Variants in RNF144A observed in about 807,000 individuals in gnomAD.
RNF144A encodes the protein ring finger protein 144A.
In RNF144A, 11 loss-of-function variants were observed where a neutral mutation model predicts 38.7. The ratio of observed to expected loss-of-function variants is 0.28; its 90% CI spans 0.18 to 0.47. RNF144A has a LOEUF of 0.47. Ranked by LOEUF, RNF144A falls within the 20% of genes least tolerant of loss-of-function variation. RNF144A has a pLI of 0.99. For missense variants in RNF144A, 316 were observed against 377.2 expected (o/e 0.84, Z 1.34); for synonymous variants, 149 against 143.9 (o/e 1.04, Z -0.25).
rs1020856549 is a variant in RNF144A at position 6,943,104 on chromosome 2, G to T, written c.-12+1957G>T. ...TCCAGATCTGATCGTTTAAGAGGGC[G>T]GTATGTGCTGGAGATGTGATAGGAG... is the stretch of plus-strand genomic sequence containing the variant. On this transcript the variant is annotated intron_variant, in intron 2 of 8. Transcript: ENST00000320892. The surrounding 1 kb of genome is among the most constrained non-coding windows in gnomAD (Gnocchi z 4.3). 9.9e-5 allele frequency among the ~76,000 whole-genome samples: 15 copies of T among 152,212 alleles called. No individual in the cohort carries two copies. The highest frequency in any genetic ancestry group is 2.1e-4 in the Non-Finnish European group (14 of 68,034).
intron 2 of RNF144A, among the ~76,000 whole-genome samples, chr2:6,954,653 C>G (rs1262504585): frequency 6.6e-6 from 1 of 152,200 alleles, no homozygotes; most frequent in Non-Finnish European, 1.5e-5. Flanking sequence ...AAGATGGGAA[C>G]TCTCCACTGA....
intron 2 of RNF144A, among the ~76,000 whole-genome samples, chr2:6,966,032 G>T (rs1477056967): frequency 2.0e-5 from 3 of 152,196 alleles, no homozygotes; most frequent in East Asian, 3.8e-4. Flanking sequence ...AGCCACAATT[G>T]TTAGCCCCGA....
At chr2:6,965,659 C>A (rs1255381305) in intron 2 of RNF144A, among the ~76,000 whole-genome samples, 1 of 152,114 alleles carries the variant, frequency 6.6e-6, no homozygotes, top group Non-Finnish European at 1.5e-5. Flanking sequence ...ATTGCATCTT[C>A]AGGATGGCAT....
intron 2 of RNF144A, among the ~76,000 whole-genome samples, chr2:6,981,461 A>G (rs904818896): frequency 1.1e-4 from 16 of 152,124 alleles, no homozygotes; most frequent in African/African-American, 3.9e-4. Flanking sequence ...TCTGCCAGAT[A>G]CCTTAAATTA....
intron 3 of RNF144A, among the ~76,000 whole-genome samples, chr2:7,013,983 A>G (rs1288522187): frequency 6.6e-6 from 1 of 152,228 alleles, no homozygotes; most frequent in Non-Finnish European, 1.5e-5. Context: ...TAAGTTGGCA[A>G]CTTCCTCCTT....
Position 7,042,479 on chromosome 2 carries a change from G to A in RNF144A, c.*2719G>A. 2 of 985,518 alleles carry A rather than the reference G, an allele frequency of 2.0e-6. No individual in the cohort carries two copies. The highest frequency in any genetic ancestry group is 2.4e-6 in the Non-Finnish European group (2 of 829,968). The allele number at this position is 985,518 out of a possible 1,614,324, so 61.0% of individuals were successfully genotyped here. A position where few individuals can be genotyped will look rare whatever the true frequency, so the allele number is the denominator to read the frequency against. On this transcript the variant is annotated 3_prime_UTR_variant, in exon 9 of 9. Transcript: ENST00000320892. ...GAGGCCTTTAATCCTGGGGAGTAAG[G>A]GGCGAAGGCCCTTAGACAACCATGG... is the stretch of plus-strand genomic sequence containing the variant.
At chr2:7,057,768 CATAA>C (rs1673795516) in intron 6 of RNF144A, among the ~76,000 whole-genome samples, 1 of 152,150 alleles carries the variant, frequency 6.6e-6, no homozygotes, top group Middle Eastern at 3.2e-3. Context: ...ATACCATCAT[CATAA>C]TTGCTTGGAG....
At chr2:7,033,251 C>T (rs969879104) in intron 8 of RNF144A, among the ~76,000 whole-genome samples, 3 of 152,274 alleles carry the variant, frequency 2.0e-5, no homozygotes, top group East Asian at 3.8e-4. Context: ...GTGCGGCCCA[C>T]GTGGCATCAG....
chr2:6,988,987 A>G (rs1436804063), intron 2 of RNF144A, among the ~76,000 whole-genome samples: 2 of 151,978 alleles, frequency 1.3e-5, no homozygotes, highest in Non-Finnish European at 2.9e-5. Flanking sequence ...TTGTTTGGAC[A>G]TCCTCTAGCT....
At chr2:7,066,783 T>C (rs1674248510) in intron 6 of RNF144A, among the ~76,000 whole-genome samples, 1 of 152,208 alleles carries the variant, frequency 6.6e-6, no homozygotes, top group Non-Finnish European at 1.5e-5. Context: ...TGTCACTTCC[T>C]GGCAGGCCTA....
chr2:6,956,607 C>G (rs894707872), intron 2 of RNF144A, among the ~76,000 whole-genome samples: 2 of 152,090 alleles, frequency 1.3e-5, no homozygotes, highest in Non-Finnish European at 2.9e-5. Context: ...GAATCTGGGT[C>G]TCTTGGATCT....
intron 1 of RNF144A, among the ~76,000 whole-genome samples, chr2:6,932,804 A>G (rs10167072): frequency 0.25 from 38,296 of 152,132 alleles, 5,254 homozygotes; most frequent in Middle Eastern, 0.36. Flanking sequence ...TTGATAACCA[A>G]TGAACCAACA....
At chr2:6,990,562 TACACACACAAACACACAC>T (rs1669293312) in intron 2 of RNF144A, among the ~76,000 whole-genome samples, 1 of 34,940 alleles carries the variant, frequency 2.9e-5, no homozygotes, top group Non-Finnish European at 9.1e-5. Flanking sequence ...GAGAGATTGC[TACACACACAAACACACAC>T]ACACACACAC....
intron 6 of RNF144A, among the ~76,000 whole-genome samples, chr2:7,065,409 C>T (rs1312767692): frequency 6.6e-6 from 1 of 152,132 alleles, no homozygotes; most frequent in East Asian, 1.9e-4. Flanking sequence ...GCAGGTTCCT[C>T]AAAAGTGGGA....
rs1667427307 is a variant in RNF144A, at chr2:6,962,804, T to C, written c.-12+21657T>C. ...TTCCATTACTGAGCACAGGCATTCA[T>C]GCACAGAAGGTCCTCAGTTAATGAC... On this transcript the variant is annotated intron_variant, in intron 2 of 8. Coordinates refer to ENST00000320892, the MANE Select transcript of RNF144A (RefSeq NM_014746.6). This position sits in a 1 kb window ranked among gnomAD's most constrained non-coding sequence, Gnocchi z 4.1. Among the ~76,000 whole-genome samples, 1 of 152,220 alleles carries C rather than the reference T, an allele frequency of 6.6e-6. No homozygotes were observed. Among genetic ancestry groups the C allele is most frequent in the African/African-American group, 2.4e-5 (1 of 41,468 alleles).
At chr2:6,985,948 A>T (rs912423200) in intron 2 of RNF144A, among the ~76,000 whole-genome samples, 1 of 152,228 alleles carries the variant, frequency 6.6e-6, no homozygotes, top group African/African-American at 2.4e-5. Context: ...TGCTAGGATT[A>T]CAGGCGTGAG....
intron 6 of RNF144A, among the ~76,000 whole-genome samples, chr2:7,061,798 T>C (rs759793804): frequency 6.6e-6 from 1 of 152,222 alleles, no homozygotes; most frequent in Non-Finnish European, 1.5e-5. Context: ...GGATGAATAC[T>C]TTGTTGAGTG....
intron 2 of RNF144A, among the ~76,000 whole-genome samples, chr2:6,977,044 ATTAAAAAAAT>A (rs1330620338): frequency 1.3e-5 from 2 of 152,236 alleles, no homozygotes; most frequent in Non-Finnish European, 2.9e-5. Context: ...TGATCAAAGG[ATTAAAAAAAT>A]TTAAGTTCCT....
rs1017152965 is a variant in RNF144A, at chr2:6,961,402, T to C, written c.-12+20255T>C. On this transcript the variant is annotated intron_variant, in intron 2 of 8. Transcript: ENST00000320892. ...TTCCTATAAAGGTACATTTTTTTTT[T>C]CCCTCTTAGAATGTGAACTACTCTT... 9.2e-5 allele frequency among the ~76,000 whole-genome samples: 14 copies of C among 152,058 alleles called. No individual in the cohort carries two copies. The East Asian group carries it at 1.2e-3, about 13-fold the overall frequency.
Sources: gnomAD v4.1 joint callset for allele counts (sites outside exome capture counted in the v4.1 genomes callset) on GRCh38, gnomAD v4.1.1 for gene constraint, Gnocchi (gnomAD v3.1) non-coding constraint, MANE v1.5 for transcripts, NCBI Gene and HGNC (gene_info 2026-07-23, HGNC 2026-07-21) for gene names.